CCDC158: variants seen among roughly 807,000 people sequenced by gnomAD.
The protein encoded by CCDC158 is coiled-coil domain-containing protein 158.
A neutral mutation model predicts 138.6 loss-of-function variants in CCDC158; 116 were observed. That is an observed-to-expected ratio of 0.84 (90% CI 0.72 to 0.98). The LOEUF (loss-of-function observed/expected upper bound fraction) is 0.98. CCDC158 is among the 50% of genes least tolerant of loss of function. The pLI is 0.00. For synonymous variants in CCDC158, 436 were observed against 442.4 expected, an observed-to-expected ratio of 0.99 and a Z score of 0.18; for missense variants, 1,265 against 1,306.1, an observed-to-expected ratio of 0.97 and a Z score of 0.48.
intron 18 of CCDC158, among the ~76,000 whole-genome samples, chr4:76,339,206 T>C (rs193242866): frequency 2.0e-4 from 30 of 152,246 alleles, no homozygotes; most frequent in East Asian, 1.7e-3. Context: ...AATTATTGAA[T>C]GCCACCACTT....
At chr4:76,401,038 C>T (rs1219212884) in intron 3 of CCDC158, among the ~76,000 whole-genome samples, 1 of 152,060 alleles carries the variant, frequency 6.6e-6, no homozygotes, top group Non-Finnish European at 1.5e-5. Flanking sequence ...CCCAGCGGTG[C>T]CTGAGCTCCA....
At chr4:76,314,641 A>G (rs1485862324) in intron 24 of CCDC158, among the ~76,000 whole-genome samples, 1 of 152,210 alleles carries the variant, frequency 6.6e-6, no homozygotes, top group African/African-American at 2.4e-5. Flanking sequence ...CGGGAGAAGG[A>G]TTTAACCTTA....
intron 2 of CCDC158, among the ~76,000 whole-genome samples, 178 bp downstream of exon 2, chr4:76,411,912 G>A (rs1180072184): frequency 6.6e-6 from 1 of 152,154 alleles, no homozygotes; most frequent in Non-Finnish European, 1.5e-5. Context: ...CAAAGATAAA[G>A]CTCTTGCAGC....
At chr4:76,408,304 T>A (rs1381003557) in intron 2 of CCDC158, among the ~76,000 whole-genome samples, 4 of 152,096 alleles carry the variant, frequency 2.6e-5, no homozygotes, top group African/African-American at 4.8e-5. Flanking sequence ...GTCATTTACA[T>A]TAGGTATATC....
intron 10 of CCDC158, among the ~76,000 whole-genome samples, chr4:76,369,920 T>C (rs1240575749): frequency 6.6e-6 from 1 of 152,182 alleles, no homozygotes; most frequent in African/African-American, 2.4e-5. Flanking sequence ...TTGCATTTTC[T>C]AAGAAAGACA....
At position 76,323,417 on chromosome 4, in the gene CCDC158, A is replaced by G. The variant is rs369076675; in HGVS notation, c.3170-8T>C. On this transcript the variant is annotated splice_region_variant and splice_polypyrimidine_tract_variant and intron_variant, in intron 23 of 24. Transcript: ENST00000682701. Reference sequence around the variant, plus strand: ...TTGGCGGAGACTGTGAATCTATTAGAAAATTGCTTAGATGTGATATTAAAA... The same window carrying G: ...TTGGCGGAGACTGTGAATCTATTAGGAAATTGCTTAGATGTGATATTAAAA... The G allele has an allele frequency of 3.1e-6, 5 of 1,598,984 alleles. No homozygotes were observed. Among genetic ancestry groups the G allele is most frequent in the Admixed American group, 1.7e-5 (1 of 58,734 alleles).
intron 18 of CCDC158, among the ~76,000 whole-genome samples, chr4:76,349,033 A>G (rs1722822851): frequency 6.6e-6 from 1 of 152,196 alleles, no homozygotes; most frequent in Non-Finnish European, 1.5e-5. Context: ...GTTATACACC[A>G]AACCAAAGAG....
intron 20 of CCDC158, 101 bp from the exon 21 acceptor site, chr4:76,331,504 T>C: frequency 1.1e-6 from 1 of 913,398 alleles, no homozygotes; most frequent in South Asian, 1.4e-5. Flanking sequence ...TTATGTAGGG[T>C]GAAATGGTAT....
chr4:76,320,896 C>T (rs778838981), intron 24 of CCDC158, among the ~76,000 whole-genome samples: 1 of 152,048 alleles, frequency 6.6e-6, no homozygotes, highest in Admixed American at 6.6e-5. Flanking sequence ...GCAACAAACA[C>T]AAAGATAAAT....
intron 8 of CCDC158, among the ~76,000 whole-genome samples, chr4:76,379,743 TACACACACACACACACAC>T (rs34043671): frequency 0.025 from 3,716 of 147,072 alleles, 153 homozygotes; most frequent in African/African-American, 0.089. Context: ...TCATATATAT[TACACACACACACACACAC>T]ACACACACAC....
At chr4:76,401,966 C>G (rs1237560463) in intron 3 of CCDC158, 2 of 152,154 alleles carry the variant, frequency 1.3e-5, no homozygotes, top group African/African-American at 4.8e-5. Context: ...TAGTGAGAAG[C>G]AGAAATGTTT....
chr4:76,324,453 T>C (rs1171309446), intron 23 of CCDC158, among the ~76,000 whole-genome samples: 1 of 152,064 alleles, frequency 6.6e-6, no homozygotes, highest in Non-Finnish European at 1.5e-5. Flanking sequence ...TTCCCAAGTG[T>C]TGGGATTACA....
chr4:76,373,327 G>A (rs1725419331), intron 9 of CCDC158, among the ~76,000 whole-genome samples: 1 of 152,178 alleles, frequency 6.6e-6, no homozygotes, highest in African/African-American at 2.4e-5. Context: ...CTTTAAGTAG[G>A]TATCTACATT....
chr4:76,351,993 T>G, intron 16 of CCDC158, 181 bp from the exon 17 acceptor site: 2 of 529,746 alleles, frequency 3.8e-6, no homozygotes. Flanking sequence ...GAGGCCATGT[T>G]TTTATCCTCT....
intron 13 of CCDC158, among the ~76,000 whole-genome samples, chr4:76,360,160 A>G (rs28824928): frequency 0.029 from 4,466 of 152,270 alleles, 218 homozygotes; most frequent in African/African-American, 0.1. Flanking sequence ...CTTCCATGTG[A>G]TGTTGGGGCT....
chr4:76,401,099 G>A (rs1728333764), intron 3 of CCDC158, among the ~76,000 whole-genome samples: 2 of 151,934 alleles, frequency 1.3e-5, no homozygotes, highest in Admixed American at 1.3e-4. Flanking sequence ...AGCCATTTAA[G>A]TGTTTAAAAT....
chr4:76,326,147 A>T (rs1720513583), intron 22 of CCDC158, 132 bp from the exon 23 acceptor site: 1 of 711,600 alleles, frequency 1.4e-6, no homozygotes, highest in African/African-American at 1.8e-5. Context: ...TCTTCTAAAT[A>T]CCCAAGATTT....
At chr4:76,325,502 G>T (rs1265014993) in intron 23 of CCDC158, among the ~76,000 whole-genome samples, 1 of 152,058 alleles carries the variant, frequency 6.6e-6, no homozygotes, top group Non-Finnish European at 1.5e-5. Context: ...ACTCACTAAG[G>T]CAGAGACTGA....
intron 24 of CCDC158, among the ~76,000 whole-genome samples, chr4:76,316,128 C>T (rs1361575674): frequency 1.3e-5 from 2 of 152,070 alleles, no homozygotes; most frequent in South Asian, 4.1e-4. Context: ...TTTGAATTGC[C>T]AGATGAAGAA....
Sources: gnomAD v4.1 joint callset for allele counts (sites outside exome capture counted in the v4.1 genomes callset) on GRCh38, gnomAD v4.1.1 for gene constraint, MANE v1.5 for transcripts, NCBI Gene and HGNC (gene_info 2026-07-23, HGNC 2026-07-21) for gene names.